The following PLXNA4 variants were observed in gnomAD, a reference collection of about 807,000 sequenced individuals.
PLXNA4 encodes the protein plexin A4, also known as plexin-A4.
A neutral mutation model predicts 191.8 loss-of-function variants in PLXNA4; 44 were observed. The observed-to-expected ratio is 0.23, with a 90% CI of 0.18 to 0.29. The LOEUF (loss-of-function observed/expected upper bound fraction) is 0.29, where lower values mean the gene tolerates loss of function less well. Among genes scored for constraint, PLXNA4 ranks in the 10% least tolerant of loss-of-function variants. PLXNA4 has a pLI of 1.00. For missense variants in PLXNA4, 1,800 were observed against 2,488.8 expected, an observed-to-expected ratio of 0.72 and a Z score of 5.89; for synonymous variants, 1,082 against 1,009.5, an observed-to-expected ratio of 1.07 and a Z score of -1.36.
At chr7:132,439,120 C>A (rs1045676989) in intron 3 of PLXNA4, among the ~76,000 whole-genome samples, 5 of 152,186 alleles carry the variant, frequency 3.3e-5, no homozygotes, top group Non-Finnish European at 1.5e-5. Context: ...TTCCTCAGGC[C>A]TGGAGGGAAT....
intron 3 of PLXNA4, among the ~76,000 whole-genome samples, chr7:132,405,892 T>C (rs932878186): frequency 6.6e-6 from 1 of 152,190 alleles, no homozygotes; most frequent in Non-Finnish European, 1.5e-5. Flanking sequence ...CTACCTGTAA[T>C]GCACTCAGAT....
chr7:132,479,931 T>C (rs1417479516), intron 3 of PLXNA4, among the ~76,000 whole-genome samples: 1 of 152,184 alleles, frequency 6.6e-6, no homozygotes, highest in Non-Finnish European at 1.5e-5. Context: ...GTACTGAGAT[T>C]ACAGGCATGA....
At chr7:132,305,924 A>C (rs1451966742) in intron 3 of PLXNA4, among the ~76,000 whole-genome samples, 1 of 152,120 alleles carries the variant, frequency 6.6e-6, no homozygotes, top group African/African-American at 2.4e-5. Context: ...AGCTGGGCCC[A>C]GGTATAAGAA....
At chr7:132,147,473 C>T (rs1452382011) in intron 27 of PLXNA4, among the ~76,000 whole-genome samples, 2 of 152,184 alleles carry the variant, frequency 1.3e-5, no homozygotes. Flanking sequence ...CTCACCACTG[C>T]AGAGCCTCGC....
chr7:132,406,786 G>A (rs76095093), intron 3 of PLXNA4, among the ~76,000 whole-genome samples: 2,384 of 152,152 alleles, frequency 0.016, 67 homozygotes, highest in African/African-American at 0.055. Context: ...CAGGAGCCAC[G>A]CAACCTCTCT....
chr7:132,200,628 C>T (rs953766027), intron 12 of PLXNA4, among the ~76,000 whole-genome samples: 17 of 152,308 alleles, frequency 1.1e-4, no homozygotes, highest in Non-Finnish European at 7.4e-5. Context: ...TGAGGGCCAC[C>T]CCAAGGGGCT....
intron 1 of PLXNA4, among the ~76,000 whole-genome samples, chr7:132,562,982 CCTT>C (rs1330803464): frequency 2.1e-5 from 2 of 96,490 alleles, no homozygotes; most frequent in African/African-American, 5.7e-5. Flanking sequence ...CCCTCCTCCT[CCTT>C]CTCCTCCTCC....
At chr7:132,512,992 T>C (rs1038175050) in intron 1 of PLXNA4, among the ~76,000 whole-genome samples, 4 of 152,198 alleles carry the variant, frequency 2.6e-5, no homozygotes, top group African/African-American at 9.7e-5. Flanking sequence ...TCGAACTACG[T>C]AGAGTGGGTA....
intron 4 of PLXNA4, among the ~76,000 whole-genome samples, chr7:132,275,524 G>T (rs570805938): frequency 6.6e-6 from 1 of 152,268 alleles, no homozygotes; most frequent in East Asian, 1.9e-4. Context: ...GCTGGCAAAA[G>T]ACTGAAACCA....
chr7:132,450,672 A>G (rs967246893), intron 3 of PLXNA4, among the ~76,000 whole-genome samples: 2 of 152,242 alleles, frequency 1.3e-5, no homozygotes, highest in African/African-American at 4.8e-5. Flanking sequence ...TTCTTGGAGC[A>G]GAGGAACCTG....
upstream of PLXNA4, among the ~76,000 whole-genome samples, chr7:132,577,612 C>A (rs1465215785): frequency 6.6e-6 from 1 of 152,142 alleles, no homozygotes; most frequent in Admixed American, 6.5e-5. Flanking sequence ...CGTTTGCCGA[C>A]ACCCCCCTGG....
Position 132,187,511 on chromosome 7 carries a change from C to T in PLXNA4, c.2953G>A (p.Val985Met), listed in dbSNP as rs761967324. The T allele has an allele frequency of 2.5e-5, 40 of 1,614,022 alleles. No homozygotes were observed. The highest frequency in any genetic ancestry group is 3.3e-5 in the South Asian group (3 of 91,074). ...GGCTGCTTTCCAAACATCACCACCA[C>T]GTTGCTTCCGGCATTCAGGTTGGTG... Reference protein sequence around the residue: ...TGTNLNAGSNVVVMFGKQPCL... With the variant: ...TGTNLNAGSNMVVMFGKQPCL... The change falls in exon 15 of 32, where the codon GTG (valine) becomes ATG (methionine). Residue 985 changes from valine (V) to methionine (M), a missense_variant. Around this residue, in one of 6 missense-constraint regions of PLXNA4, gnomAD observed 1,397 missense variants for 1,880.4 expected, o/e 0.74. Coordinates refer to ENST00000321063, the MANE Select transcript of PLXNA4 (RefSeq NM_020911.2).
chr7:132,454,763 C>T (rs1796252974), intron 3 of PLXNA4, among the ~76,000 whole-genome samples: 1 of 151,904 alleles, frequency 6.6e-6, no homozygotes, highest in Non-Finnish European at 1.5e-5. Flanking sequence ...TGTGAAGACA[C>T]AAGGAGAAGA....
At chr7:132,295,428 A>C (rs1282122171) in intron 4 of PLXNA4, among the ~76,000 whole-genome samples, 1 of 152,220 alleles carries the variant, frequency 6.6e-6, no homozygotes, top group Non-Finnish European at 1.5e-5. Flanking sequence ...TCCAGGCTGC[A>C]CTGACATCAT....
chr7:132,372,219 A>C (rs12154806), intron 3 of PLXNA4, among the ~76,000 whole-genome samples: 8,353 of 152,272 alleles, frequency 0.055, 267 homozygotes, highest in African/African-American at 0.078. Context: ...CCTTCCAGCA[A>C]TGAGCTTCAA....
At chr7:132,466,842 A>G (rs1283300500) in intron 3 of PLXNA4, among the ~76,000 whole-genome samples, 1 of 152,198 alleles carries the variant, frequency 6.6e-6, no homozygotes, top group Non-Finnish European at 1.5e-5. Context: ...TCTATCAAGA[A>G]GCTTAAATAA....
rs937537535 is a variant in PLXNA4 at position 132,647,108 on chromosome 7, C to T, written c.-202-1065G>A. ...AAACACCCACATGCTATCATATACA[C>T]GCATATACACTCACACATACACTGA... On this transcript the variant is annotated intron_variant, in intron 1 of 4. Transcript: ENST00000378539. Among the ~76,000 whole-genome samples the T allele has an allele frequency of 4.6e-5, 7 of 151,986 alleles. No homozygotes were observed. The South Asian group carries it at 6.2e-4, about 14-fold the overall frequency.
At chr7:132,442,029 G>T (rs1446300319) in intron 3 of PLXNA4, among the ~76,000 whole-genome samples, 1 of 152,186 alleles carries the variant, frequency 6.6e-6, no homozygotes, top group Non-Finnish European at 1.5e-5. Flanking sequence ...AGAGTCAGGG[G>T]CAAGACAAGG....
intron 4 of PLXNA4, among the ~76,000 whole-genome samples, chr7:132,278,149 C>T (rs752063227): frequency 1.1e-4 from 17 of 152,234 alleles, no homozygotes; most frequent in Non-Finnish European, 2.4e-4. Flanking sequence ...GGCCAAATAA[C>T]ATACAATCTG....
Sources: allele counts gnomAD v4.1 joint callset (sites outside exome capture counted in the v4.1 genomes callset), GRCh38; gene constraint gnomAD v4.1.1; regional missense constraint gnomAD v4.1.1; transcripts MANE v1.5; gene names NCBI Gene and HGNC (gene_info 2026-07-23, HGNC 2026-07-21).